CRCP: variants seen among roughly 807,000 people sequenced by gnomAD.
CRCP encodes CGRP receptor component, also known as DNA-directed RNA polymerase III subunit RPC9.
A neutral mutation model predicts 18.5 loss-of-function variants in CRCP; 18 were observed. That is an observed-to-expected ratio of 0.97 (90% CI 0.67 to 1.44). CRCP has a LOEUF of 1.44. Among genes scored for constraint, CRCP ranks in the 40% most tolerant of loss-of-function variants. CRCP has a pLI of 0.00. For missense variants in CRCP, 130 were observed against 176.4 expected, an observed-to-expected ratio of 0.74 and a Z score of 1.49; for synonymous variants, 53 against 62.9, an observed-to-expected ratio of 0.84 and a Z score of 0.75.
Position 66,141,085 on chromosome 7 carries a change from A to G in CRCP, c.240-4358A>G, listed in dbSNP as rs1788122559. Among the ~76,000 whole-genome samples the G allele has an allele frequency of 2.0e-5, 3 of 152,002 alleles. No homozygotes were observed. The South Asian group carries it at 6.2e-4, about 32-fold the overall frequency. ...ACCCTTTGATTAATTGCTTGTTTCC[A>G]TGACTCTGCCAAGAGTTAACGCTTC... On this transcript the variant is annotated intron_variant, in intron 4 of 5. Coordinates refer to ENST00000395326, the MANE Select transcript of CRCP (RefSeq NM_014478.5).
At chr7:66,144,884 T>C (rs1023103271) in intron 4 of CRCP, among the ~76,000 whole-genome samples, 1 of 152,312 alleles carries the variant, frequency 6.6e-6, no homozygotes, top group Middle Eastern at 3.4e-3. Context: ...GCACGGTGGC[T>C]CACGCCTATA....
At chr7:66,142,958 A>G (rs1415115327) in intron 4 of CRCP, among the ~76,000 whole-genome samples, 1 of 152,214 alleles carries the variant, frequency 6.6e-6, no homozygotes, top group Non-Finnish European at 1.5e-5. Context: ...AGACCAAACT[A>G]GACACACTTT....
intron 5 of CRCP, among the ~76,000 whole-genome samples, chr7:66,151,687 G>C (rs1280026124): frequency 0.017 from 2,565 of 148,112 alleles, 98 homozygotes; most frequent in African/African-American, 0.057. Flanking sequence ...GTGTGTGTGT[G>C]TGTGTGTGTG....
At chr7:66,134,428 C>G (rs543606802) in intron 4 of CRCP, 54 bp downstream of exon 4, 2 of 1,236,516 alleles carry the variant, frequency 1.6e-6, no homozygotes, top group African/African-American at 3.0e-5. Flanking sequence ...ATGATAGTTG[C>G]TACATTCGTA....
intron 4 of CRCP, among the ~76,000 whole-genome samples, chr7:66,142,444 C>G (rs1181815806): frequency 6.6e-6 from 1 of 152,190 alleles, no homozygotes; most frequent in African/African-American, 2.4e-5. Context: ...TGTCATTCCA[C>G]TGAACTGCAC....
At chr7:66,144,190 A>G (rs1788222047) in intron 4 of CRCP, among the ~76,000 whole-genome samples, 1 of 152,134 alleles carries the variant, frequency 6.6e-6, no homozygotes, top group African/African-American at 2.4e-5. Context: ...AGTCCACATG[A>G]TTCAGCCACC....
intron 3 of CRCP, among the ~76,000 whole-genome samples, chr7:66,133,265 G>A (rs979911403): frequency 2.6e-5 from 4 of 151,990 alleles, no homozygotes; most frequent in Non-Finnish European, 5.9e-5. Context: ...CAGCACTTTC[G>A]GAGGCCGAGG....
chr7:66,136,143 G>C (rs1787965470), intron 4 of CRCP, among the ~76,000 whole-genome samples: 1 of 151,968 alleles, frequency 6.6e-6, no homozygotes, highest in Non-Finnish European at 1.5e-5. Context: ...TCCTTTTCTT[G>C]GTCTGGAATG....
chr7:66,152,513 T>C lies in CRCP; in HGVS notation c.*156T>C, dbSNP rs942086780. 8 of 773,538 alleles carry C rather than the reference T, an allele frequency of 1.0e-5. No homozygotes were observed. The African/African-American group carries it at 1.4e-4, about 14-fold the overall frequency. The allele number at this position is 773,538 out of a possible 1,614,324, so 47.9% of individuals were successfully genotyped here. A position where few individuals can be genotyped will look rare whatever the true frequency, so the allele number is the denominator to read the frequency against. The stretch of plus-strand genomic sequence containing the variant: ...ATCACAAAAATAAGTTAAAAAGAAA[T>C]ATTTGTGCCTTGGGGAGAAGAAACA... On this transcript the variant is annotated 3_prime_UTR_variant, in exon 6 of 6. Coordinates refer to ENST00000395326, the MANE Select transcript of CRCP (RefSeq NM_014478.5).
intron 1 of CRCP, among the ~76,000 whole-genome samples, chr7:66,122,292 A>G (rs1249713678): frequency 6.7e-6 from 1 of 149,860 alleles, no homozygotes; most frequent in Non-Finnish European, 1.5e-5. Flanking sequence ...GGAGAATGGC[A>G]TGAACCCGGG....
intron 5 of CRCP, among the ~76,000 whole-genome samples, chr7:66,147,341 GAAA>G (rs11316310): frequency 2.1e-5 from 3 of 139,808 alleles, no homozygotes. Flanking sequence ...TCCATCTTGG[GAAA>G]AAAAAAAAAA....
At chr7:66,135,861 C>T (rs1787957101) in intron 4 of CRCP, among the ~76,000 whole-genome samples, 2 of 151,760 alleles carry the variant, frequency 1.3e-5, no homozygotes, top group African/African-American at 4.8e-5. Context: ...ACGGAGGTTG[C>T]GGTGAGCCAA....
At chr7:66,124,860 CTATTAT>C (rs1787574581) in intron 1 of CRCP, among the ~76,000 whole-genome samples, 1 of 149,270 alleles carries the variant, frequency 6.7e-6, no homozygotes, top group African/African-American at 2.4e-5. Flanking sequence ...TGATAATCTA[CTATTAT>C]TAAGATACAA....
intron 4 of CRCP, among the ~76,000 whole-genome samples, chr7:66,141,072 A>G (rs1788122123): frequency 6.6e-6 from 1 of 152,082 alleles, no homozygotes; most frequent in African/African-American, 2.4e-5. Context: ...CCTTTGATTA[A>G]TTGCTTGTTT....
At chr7:66,140,954 A>T (rs934110793) in intron 4 of CRCP, among the ~76,000 whole-genome samples, 1 of 152,228 alleles carries the variant, frequency 6.6e-6, no homozygotes, top group Non-Finnish European at 1.5e-5. Context: ...AGCAGACTGT[A>T]GTATTCAAGG....
chr7:66,149,920 C>A (rs1254562128), intron 5 of CRCP, among the ~76,000 whole-genome samples: 1 of 152,044 alleles, frequency 6.6e-6, no homozygotes, highest in Non-Finnish European at 1.5e-5. Context: ...CATTCTCCTG[C>A]CTCAGCCTCC....
chr7:66,142,177 G>A (rs1169569988), intron 4 of CRCP, among the ~76,000 whole-genome samples: 3 of 152,044 alleles, frequency 2.0e-5, no homozygotes, highest in Non-Finnish European at 1.5e-5. Context: ...TTGGCTGCTG[G>A]TTCCCCTCAC....
chr7:66,118,571 G>C (rs1787341721), intron 1 of CRCP, among the ~76,000 whole-genome samples: 1 of 152,098 alleles, frequency 6.6e-6, no homozygotes, highest in African/African-American at 2.4e-5. Flanking sequence ...AGCGTCTTTG[G>C]GGGATTGGTT....
intron 1 of CRCP, among the ~76,000 whole-genome samples, chr7:66,123,382 C>G (rs768799446): frequency 1.1e-4 from 16 of 152,160 alleles, no homozygotes; most frequent in Non-Finnish European, 1.9e-4. Flanking sequence ...GCAGACAGTT[C>G]CTGCTTTGTA....
Sources: gnomAD v4.1 joint callset for allele counts (sites outside exome capture counted in the v4.1 genomes callset) on GRCh38, gnomAD v4.1.1 for gene constraint, MANE v1.5 for transcripts, NCBI Gene and HGNC (gene_info 2026-07-23, HGNC 2026-07-21) for gene names.